The following TMEM120B variants were observed in gnomAD, a reference collection of about 807,000 sequenced individuals.
TMEM120B encodes the protein transmembrane protein 120B.
TMEM120B carries 31 observed loss-of-function variants against 55.5 expected under a neutral mutation model. The observed-to-expected ratio is 0.56, with a 90% CI of 0.42 to 0.75. The LOEUF (loss-of-function observed/expected upper bound fraction) is 0.75. TMEM120B is among the 30% of genes least tolerant of loss of function. TMEM120B has a pLI of 0.00. For missense variants in TMEM120B, 399 were observed against 425.5 expected, an observed-to-expected ratio of 0.94 and a Z score of 0.55; for synonymous variants, 203 against 176.3, an observed-to-expected ratio of 1.15 and a Z score of -1.20.
rs1592955088 is a variant in TMEM120B, at chr12:121,780,726, A to G, written c.*5004A>G. The G allele has an allele frequency of 7.5e-6, 7 of 932,072 alleles. No homozygotes were observed. Among genetic ancestry groups the G allele is most frequent in the Non-Finnish European group, 1.1e-5 (7 of 637,590 alleles). 57.7% of individuals were successfully genotyped at this position (932,072 alleles called of 1,614,324 possible). A position where few individuals can be genotyped will look rare whatever the true frequency, so the allele number is the denominator to read the frequency against. The stretch of plus-strand genomic sequence containing the variant: ...TGTAAAGTGCTCAGGTCCACAGGCC[A>G]TCAATACTAATAGTTAAAAATTATT... On this transcript the variant is annotated 3_prime_UTR_variant, in exon 12 of 12. Coordinates refer to ENST00000449592, the MANE Select transcript of TMEM120B (RefSeq NM_001080825.2).
At chr12:121,737,652 C>G (rs149148265) in intron 1 of TMEM120B, among the ~76,000 whole-genome samples, 31 of 152,242 alleles carry the variant, frequency 2.0e-4, no homozygotes, top group African/African-American at 7.2e-4. Flanking sequence ...CCCTTTGTTG[C>G]ATTTCCCAGC....
At chr12:121,722,621 G>A (rs1894815992) in intron 1 of TMEM120B, among the ~76,000 whole-genome samples, 1 of 152,048 alleles carries the variant, frequency 6.6e-6, no homozygotes, top group Non-Finnish European at 1.5e-5. Flanking sequence ...TGTACAATGT[G>A]GCACTTGCAA....
chr12:121,762,352 G>C (rs1873708130), intron 6 of TMEM120B, among the ~76,000 whole-genome samples: 1 of 151,634 alleles, frequency 6.6e-6, no homozygotes, highest in South Asian at 2.1e-4. Context: ...TCTCACTTCT[G>C]CCTTCTGTGT....
chr12:121,728,483 C>T (rs1175248301), intron 1 of TMEM120B, among the ~76,000 whole-genome samples: 3 of 148,624 alleles, frequency 2.0e-5, no homozygotes, highest in Admixed American at 6.7e-5. Context: ...AGCGAGACTC[C>T]GTCTCAAAAA....
In TMEM120B at chr12:121,781,175, G is replaced by T. The variant is rs375240756; in HGVS notation, c.*5453G>T. The T allele has an allele frequency of 8.1e-6, 13 of 1,614,074 alleles. No individual in the cohort carries two copies. The highest frequency in any genetic ancestry group is 1.0e-5 in the Non-Finnish European group (12 of 1,180,028). On this transcript the variant is annotated 3_prime_UTR_variant, in exon 12 of 12. Coordinates refer to ENST00000449592, the MANE Select transcript of TMEM120B (RefSeq NM_001080825.2). ...TTCTGGTAGGACAGGGGCCGCAGCCGGTCATAGTCTTCTTGCCCTGAAAGC... is the reference window on the plus strand; with the variant it reads ...TTCTGGTAGGACAGGGGCCGCAGCCTGTCATAGTCTTCTTGCCCTGAAAGC...
At chr12:121,714,397 G>A (rs563194609) in intron 1 of TMEM120B, among the ~76,000 whole-genome samples, 111 of 151,134 alleles carry the variant, frequency 7.3e-4, no homozygotes, top group African/African-American at 2.5e-3. Context: ...CTGGAATTAC[G>A]GGTGTGCGCC....
chr12:121,775,928 T>A lies in TMEM120B; in HGVS notation c.*206T>A. On this transcript the variant is annotated 3_prime_UTR_variant, in exon 12 of 12. Transcript: ENST00000449592. This position sits in a 1 kb window ranked among gnomAD's most constrained non-coding sequence, Gnocchi z 4.3. ...TATTTATGACATATTTAATGCTGGGTCCCCCATCGTCCCTGGAACCCGAGG... is the reference window on the plus strand; with the variant it reads ...TATTTATGACATATTTAATGCTGGGACCCCCATCGTCCCTGGAACCCGAGG... The A allele has an allele frequency of 1.6e-6, 1 of 621,402 alleles. No homozygotes were observed. Among genetic ancestry groups the A allele is most frequent in the South Asian group, 1.9e-5 (1 of 52,556 alleles). 38.5% of individuals were successfully genotyped at this position (621,402 alleles called of 1,614,324 possible).
At chr12:121,771,587 G>T in intron 8 of TMEM120B, 38 bp downstream of exon 8, 1 of 1,593,142 alleles carries the variant, frequency 6.3e-7, no homozygotes. Flanking sequence ...GAAGGGACAT[G>T]GTTTTCTGAG....
At chr12:121,767,785 C>G (rs1873897317) in intron 6 of TMEM120B, among the ~76,000 whole-genome samples, 1 of 152,180 alleles carries the variant, frequency 6.6e-6, no homozygotes, top group Non-Finnish European at 1.5e-5. Context: ...TGTCACTGAG[C>G]TGTGTTTATT....
intron 1 of TMEM120B, among the ~76,000 whole-genome samples, chr12:121,728,039 ACT>A (rs1428183772): frequency 6.6e-6 from 1 of 151,258 alleles, no homozygotes; most frequent in Non-Finnish European, 1.5e-5. Flanking sequence ...ACAGAGTCTC[ACT>A]CTGTCGCCCA....
chr12:121,752,201 T>C lies in TMEM120B; in HGVS notation c.439T>C (p.Cys147Arg). The C allele has an allele frequency of 6.2e-7, 1 of 1,613,732 alleles. No individual in the cohort carries two copies. Among genetic ancestry groups the C allele is most frequent in the Non-Finnish European group, 8.5e-7 (1 of 1,179,906 alleles). ...TIILLLGAVA[C>R]RFVLHYRVTD... ...CATCCTGCTCCTGGGTGCCGTGGCA[T>C]GTCGATTTGTCCTTCACTACAGGTA... Residue 147 changes from cysteine (C) to arginine (R), a missense_variant, in exon 5 of 12, where the codon TGT (cysteine) becomes CGT (arginine). Physicochemically the swap from Cys to Arg is radical, Grantham distance 180. This residue lies in a region of TMEM120B where 260 missense variants were observed against 303.9 expected (regional missense o/e 0.86). Transcript: ENST00000449592.
At chr12:121,722,422 A>G (rs371773609) in intron 1 of TMEM120B, among the ~76,000 whole-genome samples, 3 of 152,296 alleles carry the variant, frequency 2.0e-5, no homozygotes, top group African/African-American at 7.2e-5. Flanking sequence ...TATAAGTAAT[A>G]CATATTCACA....
rs1341495247 is a variant in TMEM120B, at chr12:121,747,308, GGC to G, written c.189-1017_189-1016del. ...CGGGAGGCTGGGGTAGAAGGCGGGA[GGC>G]ACTGGGGTAGAAGGCGGGAGGCTGG... is the stretch of plus-strand genomic sequence containing the variant. On this transcript the variant is annotated intron_variant, in intron 2 of 11. Coordinates refer to ENST00000449592, the MANE Select transcript of TMEM120B (RefSeq NM_001080825.2). Among the ~76,000 whole-genome samples, 126 of 24,392 alleles carry G rather than the reference GGC, an allele frequency of 5.2e-3. 3 individuals carry two copies. Among genetic ancestry groups the G allele is most frequent in the Non-Finnish European group, 7.7e-3 (94 of 12,140 alleles). 16.0% of individuals were successfully genotyped at this position (24,392 alleles called of 152,430 possible). A position where few individuals can be genotyped will look rare whatever the true frequency, so the allele number is the denominator to read the frequency against.
intron 3 of TMEM120B, 144 bp downstream of exon 3, chr12:121,748,586 C>G (rs1300590350): frequency 1.7e-6 from 1 of 574,954 alleles, no homozygotes; most frequent in East Asian, 3.4e-5. Context: ...AGGAGCCTTC[C>G]TTACACATTC....
intron 1 of TMEM120B, among the ~76,000 whole-genome samples, chr12:121,735,712 A>G (rs1171373755): frequency 2.2e-5 from 3 of 137,360 alleles, no homozygotes; most frequent in Non-Finnish European, 3.1e-5. Flanking sequence ...TTTTTTTGAG[A>G]CCAAGTCTCA....
intron 1 of TMEM120B, among the ~76,000 whole-genome samples, chr12:121,736,584 CTG>C (rs903131146): frequency 2.6e-5 from 4 of 152,004 alleles, no homozygotes; most frequent in African/African-American, 9.7e-5. Context: ...GAGTCTCCCT[CTG>C]TTGACCAGGC....
chr12:121,756,610 AC>A (rs1312667797), intron 5 of TMEM120B, among the ~76,000 whole-genome samples: 1 of 151,094 alleles, frequency 6.6e-6, no homozygotes, highest in South Asian at 2.1e-4. Context: ...AAGGGAGGGA[AC>A]CCCCCCGAAT....
chr12:121,781,085 T>G lies in TMEM120B; in HGVS notation c.*5363T>G, dbSNP rs1874437553. ...ACCACCCAGGAGGCCGGCCTCACCT[T>G]GATGAGGACGTTGTCGTAGCTGGTG... is the stretch of plus-strand genomic sequence containing the variant. On this transcript the variant is annotated 3_prime_UTR_variant, in exon 12 of 12. Transcript: ENST00000449592. 1.2e-6 allele frequency: 2 copies of G among 1,613,994 alleles called. No homozygotes were observed. Among genetic ancestry groups the G allele is most frequent in the Non-Finnish European group, 1.7e-6 (2 of 1,179,960 alleles).
At position 121,780,916 on chromosome 12, in the gene TMEM120B, G is replaced by A. The variant is rs750313311; in HGVS notation, c.*5194G>A. On this transcript the variant is annotated 3_prime_UTR_variant, in exon 12 of 12. Transcript: ENST00000449592. ...TCCAGCTGGGCGGCCCGGAGCTTCC[G>A]CAGCTGCTCCTTGTCCTTCCTCAGG... 18 of 1,613,912 alleles carry A rather than the reference G, an allele frequency of 1.1e-5. No homozygotes were observed. The highest frequency in any genetic ancestry group is 1.4e-5 in the Non-Finnish European group (17 of 1,179,946).
Sources: gnomAD v4.1 joint callset for allele counts (sites outside exome capture counted in the v4.1 genomes callset) on GRCh38, gnomAD v4.1.1 for gene constraint, gnomAD v4.1.1 regional missense constraint, Gnocchi (gnomAD v3.1) non-coding constraint, MANE v1.5 for transcripts, NCBI Gene and HGNC (gene_info 2026-07-23, HGNC 2026-07-21) for gene names.